CDKL5: variants seen among roughly 807,000 people sequenced by gnomAD.
CDKL5 encodes the protein cyclin-dependent kinase-like 5.
Under a neutral mutation model 61.7 loss-of-function variants are expected in CDKL5, and 8 were observed. The ratio of observed to expected loss-of-function variants is 0.13; its 90% CI spans 0.08 to 0.23. The LOEUF is 0.23. Among genes scored for constraint, CDKL5 ranks in the 10% least tolerant of loss-of-function variants. The pLI is 1.00. For synonymous variants in CDKL5, 275 were observed against 272.3 expected, an observed-to-expected ratio of 1.01 and a Z score of -0.10; for missense variants, 440 against 734.5, an observed-to-expected ratio of 0.60 and a Z score of 4.63.
intron 3 of CDKL5, among the ~76,000 whole-genome samples, chrX:18,558,097 C>T (rs1334755419): frequency 9.0e-6 from 1 of 110,941 alleles, no homozygotes; most frequent in Non-Finnish European, 1.9e-5. Context: ...TACCTAGTCT[C>T]TCTGTTTGTG....
intron 9 of CDKL5, chrX:18,588,420 G>T (rs1191857181): frequency 8.0e-6 from 2 of 248,705 alleles, no homozygotes; most frequent in East Asian, 8.6e-5. Context: ...ACTAAACTTT[G>T]GTTATCTTAT....
At chrX:18,618,619 G>A (rs1280966540) in intron 15 of CDKL5, among the ~76,000 whole-genome samples, 1 of 112,453 alleles carries the variant, frequency 8.9e-6, no homozygotes, top group Non-Finnish European at 1.9e-5. Context: ...CCAGGGCCTA[G>A]GCCCAGTCTG....
At position 18,635,032 on chromosome X, in the gene CDKL5, G is replaced by A; in HGVS notation, c.*6275G>A. 1.3e-6 allele frequency: 1 copy of A among 748,917 alleles called. No individual in the cohort carries two copies. Among genetic ancestry groups the A allele is most frequent in the Non-Finnish European group, 1.6e-6 (1 of 636,098 alleles). The allele number at this position is 748,917 out of a possible 1,213,427, so 61.7% of individuals were successfully genotyped here. A position where few individuals can be genotyped will look rare whatever the true frequency, so the allele number is the denominator to read the frequency against. ...GACTTTATAATCCATTATATAAAGTGTAATTCCATACTTTTTACTGTGGCA... is the reference window on the plus strand; with the variant it reads ...GACTTTATAATCCATTATATAAAGTATAATTCCATACTTTTTACTGTGGCA... On this transcript the variant is annotated 3_prime_UTR_variant, in exon 18 of 18. Coordinates refer to ENST00000623535, the MANE Select transcript of CDKL5 (RefSeq NM_001323289.2).
chrX:18,495,114 G>T (rs1478536177), intron 1 of CDKL5, among the ~76,000 whole-genome samples: 1 of 112,374 alleles, frequency 8.9e-6, no homozygotes, highest in Non-Finnish European at 1.9e-5. Flanking sequence ...TATAACAGAA[G>T]TTTAGTCATG....
intron 1 of CDKL5, among the ~76,000 whole-genome samples, chrX:18,497,094 G>A (rs1003948927): frequency 9.1e-6 from 1 of 109,634 alleles, no homozygotes; most frequent in East Asian, 2.9e-4. Context: ...CTGGGTTCAA[G>A]CAATTCTCCT....
chrX:18,500,246 G>A lies in CDKL5; in HGVS notation c.-162-6689G>A, dbSNP rs571173110. 1.3e-4 allele frequency among the ~76,000 whole-genome samples: 15 copies of A among 111,496 alleles called. No homozygotes were observed. In the South Asian group the frequency reaches 4.9e-3, roughly 36 times the overall value. The stretch of plus-strand genomic sequence containing the variant: ...AAGCATACAATATGTAATGATCAGG[G>A]TAATTGGGGTATCCATCATTTCAAG... On this transcript the variant is annotated intron_variant, in intron 1 of 17. Coordinates refer to ENST00000623535, the MANE Select transcript of CDKL5 (RefSeq NM_001323289.2).
intron 3 of CDKL5, among the ~76,000 whole-genome samples, chrX:18,528,945 A>G (rs1205860173): frequency 9.0e-6 from 1 of 110,992 alleles, no homozygotes. Context: ...CCATTCCTTT[A>G]TATTCATTTT....
chrX:18,529,347 C>T (rs1390515809), intron 3 of CDKL5, among the ~76,000 whole-genome samples: 1 of 110,130 alleles, frequency 9.1e-6, no homozygotes, highest in Non-Finnish European at 1.9e-5. Context: ...TACTATTATT[C>T]ATATTGCTTA....
intron 1 of CDKL5, among the ~76,000 whole-genome samples, chrX:18,477,702 A>T (rs1019714404): frequency 9.0e-6 from 1 of 111,559 alleles, no homozygotes; most frequent in Non-Finnish European, 1.9e-5. Context: ...AGTAAGATAT[A>T]GAAACCGTTC....
chrX:18,545,711 A>G (rs1924168005), intron 3 of CDKL5, among the ~76,000 whole-genome samples: 1 of 112,200 alleles, frequency 8.9e-6, no homozygotes, highest in Non-Finnish European at 1.9e-5. Flanking sequence ...GTGAATATAA[A>G]TTTTCTGCCA....
chrX:18,475,327 C>T (rs1010306122), intron 1 of CDKL5, among the ~76,000 whole-genome samples: 4 of 110,944 alleles, frequency 3.6e-5, no homozygotes, highest in Non-Finnish European at 7.6e-5. Context: ...CAGTGTCTTG[C>T]TCAGTTGCCC....
intron 1 of CDKL5, among the ~76,000 whole-genome samples, chrX:18,481,636 A>G (rs1240094742): frequency 9.3e-6 from 1 of 107,310 alleles, no homozygotes; most frequent in African/African-American, 3.4e-5. Flanking sequence ...TGCTAGGATT[A>G]CAGACATGAG....
At chrX:18,578,181 A>G (rs1195072126) in intron 5 of CDKL5, among the ~76,000 whole-genome samples, 1 of 112,525 alleles carries the variant, frequency 8.9e-6, no homozygotes, top group Non-Finnish European at 1.9e-5. Context: ...AGTGTTTTGT[A>G]GTTGTCTCAC....
At position 18,554,509 on chromosome X, in the gene CDKL5, G is replaced by A. The variant is rs191701546; in HGVS notation, c.100-9968G>A. 5.5e-3 allele frequency among the ~76,000 whole-genome samples: 579 copies of A among 104,669 alleles called. 10 individuals are homozygous for A. The highest frequency in any genetic ancestry group is 0.019 in the African/African-American group (554 of 28,427). 90.9% of individuals were successfully genotyped at this position (104,669 alleles called of 115,157 possible). ...CAGCTCAGTGCAACCTCCACCTTGCGGGTTCAAGTAATTCTTCTGCCTCAG... is the reference window on the plus strand; with the variant it reads ...CAGCTCAGTGCAACCTCCACCTTGCAGGTTCAAGTAATTCTTCTGCCTCAG... On this transcript the variant is annotated intron_variant, in intron 3 of 17. Coordinates refer to ENST00000623535, the MANE Select transcript of CDKL5 (RefSeq NM_001323289.2).
Position 18,630,007 on chromosome X carries a change from C to T in CDKL5, c.*1250C>T. The stretch of plus-strand genomic sequence containing the variant: ...TGTCCACTGTCCCGGAGACTCTTGG[C>T]TGATGGGGTGTGAGATATATGTGTG... On this transcript the variant is annotated 3_prime_UTR_variant, in exon 18 of 18. Transcript: ENST00000623535. 1.3e-6 allele frequency: 1 copy of T among 754,185 alleles called. No homozygotes were observed. 62.2% of individuals were successfully genotyped at this position (754,185 alleles called of 1,213,427 possible). A position where few individuals can be genotyped will look rare whatever the true frequency, so the allele number is the denominator to read the frequency against.
chrX:18,426,322 C>T (rs1006022812), intron 1 of CDKL5: 4 of 112,975 alleles, frequency 3.5e-5, no homozygotes, highest in African/African-American at 1.3e-4. Context: ...GAAGAATGGC[C>T]CCTTCTCAGA....
intron 1 of CDKL5, among the ~76,000 whole-genome samples, chrX:18,478,577 C>T (rs1201121131): frequency 1.4e-4 from 15 of 109,894 alleles, no homozygotes; most frequent in African/African-American, 4.3e-4. Flanking sequence ...AGGTGTGAGC[C>T]ACCGTGCCTG....
At chrX:18,595,774 C>A (rs1925972655) in intron 10 of CDKL5, among the ~76,000 whole-genome samples, 1 of 111,886 alleles carries the variant, frequency 8.9e-6, no homozygotes, top group Non-Finnish European at 1.9e-5. Flanking sequence ...TTTTTTCTGA[C>A]ATGGTATTTG....
intron 1 of CDKL5, among the ~76,000 whole-genome samples, chrX:18,441,305 C>T (rs1931736937): frequency 9.0e-6 from 1 of 110,802 alleles, no homozygotes; most frequent in African/African-American, 3.3e-5. Flanking sequence ...AGTCCCGCTA[C>T]TCAGGAGGCT....
Sources: gnomAD v4.1 joint callset for allele counts (sites outside exome capture counted in the v4.1 genomes callset) on GRCh38, gnomAD v4.1.1 for gene constraint, MANE v1.5 for transcripts, NCBI Gene and HGNC (gene_info 2026-07-23, HGNC 2026-07-21) for gene names.